The following TMEM132D variants were observed in gnomAD, a reference collection of about 807,000 sequenced individuals.
TMEM132D encodes the protein mature OL transmembrane protein.
A neutral mutation model predicts 62.3 loss-of-function variants in TMEM132D; 21 were observed. That is an observed-to-expected ratio of 0.34 (90% CI 0.24 to 0.49). The LOEUF (loss-of-function observed/expected upper bound fraction) is 0.49. Ranked by LOEUF, TMEM132D falls within the 20% of genes least tolerant of loss-of-function variation. TMEM132D has a pLI of 0.99. For synonymous variants in TMEM132D, 621 were observed against 575.6 expected (o/e 1.08, Z -1.13); for missense variants, 1,346 against 1,402.8 (o/e 0.96, Z 0.65).
intron 2 of TMEM132D, among the ~76,000 whole-genome samples, chr12:129,625,531 C>G (rs1043022795): frequency 6.6e-6 from 1 of 152,170 alleles, no homozygotes; most frequent in Non-Finnish European, 1.5e-5. Context: ...TTCACTAGCT[C>G]TGGTCTCCCC....
chr12:129,432,879 C>T (rs1189539916), intron 3 of TMEM132D, among the ~76,000 whole-genome samples: 1 of 152,186 alleles, frequency 6.6e-6, no homozygotes, highest in Non-Finnish European at 1.5e-5. Context: ...ACACACATAC[C>T]TCAAGCTGAA....
chr12:129,403,637 C>G (rs1871685208), intron 3 of TMEM132D, among the ~76,000 whole-genome samples: 3 of 152,100 alleles, frequency 2.0e-5, no homozygotes, highest in African/African-American at 7.2e-5. Flanking sequence ...CATTGACCCT[C>G]TACTTTGTGC....
At chr12:129,235,621 G>A (rs746247302) in intron 4 of TMEM132D, among the ~76,000 whole-genome samples, 6 of 151,974 alleles carry the variant, frequency 3.9e-5, no homozygotes, top group Admixed American at 6.6e-5. Context: ...ACATTTAGTC[G>A]GCCTCATTTA....
At chr12:129,346,127 G>T (rs928338024) in intron 3 of TMEM132D, among the ~76,000 whole-genome samples, 1 of 152,098 alleles carries the variant, frequency 6.6e-6, no homozygotes, top group African/African-American at 2.4e-5. Flanking sequence ...CTTGTTATTG[G>T]TCTATTCAGG....
At chr12:129,208,405 C>T (rs748897730) in intron 5 of TMEM132D, among the ~76,000 whole-genome samples, 6 of 152,120 alleles carry the variant, frequency 3.9e-5, no homozygotes, top group Non-Finnish European at 5.9e-5. Context: ...TCATGTGTTC[C>T]GCTGCCCTGT....
At chr12:129,843,239 A>C (rs1203282599) in intron 1 of TMEM132D, among the ~76,000 whole-genome samples, 1 of 152,240 alleles carries the variant, frequency 6.6e-6, no homozygotes, top group African/African-American at 2.4e-5. Flanking sequence ...AAAATAAAAA[A>C]ACATTTTAAT....
At chr12:129,788,704 C>T (rs1469511533) in intron 1 of TMEM132D, among the ~76,000 whole-genome samples, 4 of 152,050 alleles carry the variant, frequency 2.6e-5, no homozygotes, top group Admixed American at 2.0e-4. Flanking sequence ...TAAATTCGTG[C>T]CAGACACTAT....
intron 1 of TMEM132D, among the ~76,000 whole-genome samples, chr12:129,791,730 A>C (rs553839140): frequency 6.6e-6 from 1 of 152,224 alleles, no homozygotes; most frequent in African/African-American, 2.4e-5. Flanking sequence ...AAATCCAATT[A>C]CTAAATGAAT....
chr12:129,805,735 T>C (rs1224146504), intron 1 of TMEM132D, among the ~76,000 whole-genome samples: 2 of 150,354 alleles, frequency 1.3e-5, no homozygotes, highest in African/African-American at 4.9e-5. Context: ...CAAAAGAAAC[T>C]ACCATCAGAG....
intron 3 of TMEM132D, among the ~76,000 whole-genome samples, chr12:129,392,712 C>T (rs182635795): frequency 2.0e-5 from 3 of 152,134 alleles, no homozygotes; most frequent in African/African-American, 7.2e-5. Context: ...AACAAGCCCT[C>T]CCCCAACCCT....
At chr12:129,177,573 C>A (rs1336657739) in intron 5 of TMEM132D, among the ~76,000 whole-genome samples, 1 of 152,072 alleles carries the variant, frequency 6.6e-6, no homozygotes, top group Non-Finnish European at 1.5e-5. Context: ...GCCTGGACAA[C>A]ATAGTGAGAC....
At chr12:129,790,563 T>G (rs1370586237) in intron 1 of TMEM132D, among the ~76,000 whole-genome samples, 1 of 152,230 alleles carries the variant, frequency 6.6e-6, no homozygotes, top group Non-Finnish European at 1.5e-5. Context: ...GATGTCCAGC[T>G]GCTTCTCCTC....
chr12:129,117,961 A>G (rs1437915857), intron 5 of TMEM132D, among the ~76,000 whole-genome samples: 1 of 152,228 alleles, frequency 6.6e-6, no homozygotes, highest in African/African-American at 2.4e-5. Flanking sequence ...GTGACACGTC[A>G]GCCCCTCCTT....
chr12:129,842,044 C>A (rs1018779005), intron 1 of TMEM132D, among the ~76,000 whole-genome samples: 6 of 150,550 alleles, frequency 4.0e-5, no homozygotes, highest in African/African-American at 7.3e-5. Context: ...CATTCTCCTG[C>A]CTCAGCCTCC....
intron 1 of TMEM132D, among the ~76,000 whole-genome samples, chr12:129,806,163 T>C (rs1871972565): frequency 2.8e-5 from 1 of 35,678 alleles, no homozygotes; most frequent in Non-Finnish European, 6.7e-5. Flanking sequence ...GAACTAGAAA[T>C]ACCATTTGAC....
chr12:129,601,920 T>C (rs1411513544), intron 2 of TMEM132D, among the ~76,000 whole-genome samples: 1 of 152,180 alleles, frequency 6.6e-6, no homozygotes, highest in African/African-American at 2.4e-5. Flanking sequence ...AGTAGACTTG[T>C]TCAATGCAGG....
chr12:129,631,226 C>T (rs1409883226), intron 2 of TMEM132D, among the ~76,000 whole-genome samples: 1 of 152,212 alleles, frequency 6.6e-6, no homozygotes, highest in Non-Finnish European at 1.5e-5. Flanking sequence ...TCCTTCAGCG[C>T]TACTGCGTCT....
At chr12:129,366,841 A>G (rs988293204) in intron 3 of TMEM132D, among the ~76,000 whole-genome samples, 2 of 152,208 alleles carry the variant, frequency 1.3e-5, no homozygotes, top group African/African-American at 4.8e-5. Flanking sequence ...AACCACACAC[A>G]CAGAGAGATG....
rs544242104 is a variant in TMEM132D at position 129,153,339 on chromosome 12, T to C, written c.1443+56181A>G. Among the ~76,000 whole-genome samples the C allele has an allele frequency of 2.6e-5, 4 of 152,176 alleles. No individual in the cohort carries two copies. In the South Asian group the frequency reaches 8.3e-4, roughly 32 times the overall value. On this transcript the variant is annotated intron_variant, in intron 5 of 8. Transcript: ENST00000422113. ...CCAAATGCAGAATTTAAATGTGGTGTTGGCTCACGGCATACAAAGGTTGAA... is the reference window on the plus strand; with the variant it reads ...CCAAATGCAGAATTTAAATGTGGTGCTGGCTCACGGCATACAAAGGTTGAA...
Sources: gnomAD v4.1 joint callset for allele counts (sites outside exome capture counted in the v4.1 genomes callset) on GRCh38, gnomAD v4.1.1 for gene constraint, MANE v1.5 for transcripts, NCBI Gene and HGNC (gene_info 2026-07-23, HGNC 2026-07-21) for gene names.